TTC12: variants seen among roughly 807,000 people sequenced by gnomAD.
The protein encoded by TTC12 is tetratricopeptide repeat protein 12.
In TTC12, 70 loss-of-function variants were observed where a neutral mutation model predicts 90.1. The ratio of observed to expected loss-of-function variants is 0.78; its 90% CI spans 0.64 to 0.95. TTC12 has a LOEUF of 0.95. Ranked by LOEUF, TTC12 falls within the 40% of genes least tolerant of loss-of-function variation. The pLI, the probability that TTC12 is intolerant of heterozygous loss-of-function variation, is 0.00. For synonymous variants in TTC12, 296 were observed against 311.5 expected, an observed-to-expected ratio of 0.95 and a Z score of 0.53; for missense variants, 819 against 846.1, an observed-to-expected ratio of 0.97 and a Z score of 0.40.
chr11:113,355,381 T>C (rs1949573935), intron 16 of TTC12, among the ~76,000 whole-genome samples: 1 of 151,994 alleles, frequency 6.6e-6, no homozygotes, highest in South Asian at 2.1e-4. Flanking sequence ...AATGGTCTAT[T>C]TTATTAATTT....
At chr11:113,347,320 C>T (rs1949024664) in intron 13 of TTC12, among the ~76,000 whole-genome samples, 1 of 152,130 alleles carries the variant, frequency 6.6e-6, no homozygotes, top group South Asian at 2.1e-4. Context: ...CAGTCAAGCC[C>T]CACTCAGCAT....
chr11:113,368,247 G>A, downstream of TTC12: 2 of 1,519,232 alleles, frequency 1.3e-6, no homozygotes, highest in Non-Finnish European at 1.8e-6. Flanking sequence ...CTGAAGCTCT[G>A]TCTCCTCGCA....
chr11:113,317,049 C>T (rs193206944), intron 2 of TTC12, among the ~76,000 whole-genome samples: 63 of 152,326 alleles, frequency 4.1e-4, no homozygotes, highest in Non-Finnish European at 4.3e-4. Flanking sequence ...TGGGTGACAT[C>T]GTAAATGATA....
chr11:113,352,222 C>G lies in TTC12; in HGVS notation c.1446+15C>G. 1 of 1,614,132 alleles carries G rather than the reference C, an allele frequency of 6.2e-7. No homozygotes were observed. Among genetic ancestry groups the G allele is most frequent in the Non-Finnish European group, 8.5e-7 (1 of 1,180,002 alleles). Reference sequence around the variant, plus strand: ...TGAGCCTCCTGGTATGTTAGCTTTTCTATTCAAAATTGGTCTTTATCCTCT... The same window carrying G: ...TGAGCCTCCTGGTATGTTAGCTTTTGTATTCAAAATTGGTCTTTATCCTCT... On this transcript the variant is annotated intron_variant, in intron 16 of 21. Transcript: ENST00000529221.
chr11:113,344,561 C>CACTCTTGTCAAAGG, intron 13 of TTC12, 121 bp downstream of exon 13: 1 of 1,071,986 alleles, frequency 9.3e-7, no homozygotes, highest in Non-Finnish European at 1.3e-6. Flanking sequence ...ACAGAAAGAG[C>CACTCTTGTCAAAGG]CTTTGACAAG....
intron 11 of TTC12, chr11:113,341,596 C>T: frequency 1.9e-6 from 1 of 517,188 alleles, no homozygotes; most frequent in South Asian, 2.0e-5. Context: ...CCAGTGCAGC[C>T]ATCGCCCATG....
rs1424884127 is a variant in TTC12 at position 113,344,147 on chromosome 11, C to A, written c.986-125C>A. The A allele has an allele frequency of 9.8e-6, 11 of 1,120,386 alleles. No homozygotes were observed. In the Admixed American group the frequency reaches 1.6e-4, roughly 16 times the overall value. 69.4% of individuals were successfully genotyped at this position (1,120,386 alleles called of 1,614,324 possible). A position where few individuals can be genotyped will look rare whatever the true frequency, so the allele number is the denominator to read the frequency against. ...TCTGGTTCTAGAATCCACACTCTTACACTTCATTATTCTGCCTTCAAATGA... is the reference window on the plus strand; with the variant it reads ...TCTGGTTCTAGAATCCACACTCTTAAACTTCATTATTCTGCCTTCAAATGA... On this transcript the variant is annotated intron_variant, in intron 12 of 21. Coordinates refer to ENST00000529221, the MANE Select transcript of TTC12 (RefSeq NM_017868.4).
chr11:113,344,526 T>C (rs1555147474), intron 13 of TTC12, 86 bp downstream of exon 13: 4 of 1,356,152 alleles, frequency 2.9e-6, no homozygotes, highest in Non-Finnish European at 2.0e-6. Flanking sequence ...CTCCTATCTC[T>C]GTTGTGTGAC....
Position 113,362,419 on chromosome 11 carries a change from A to T in TTC12, c.1633A>T (p.Ser545Cys). The change falls in exon 19 of 22, where the codon AGC (serine) becomes TGC (cysteine). Residue 545 changes from serine to cysteine, a missense_variant. Coordinates refer to ENST00000529221, the MANE Select transcript of TTC12 (RefSeq NM_017868.4). ...GILTRAAGVL[S>C]RTLSSSLKIV... ...TACTCAGAGAGCTGCTGGTGTTCTG[A>T]GCCGGACCCTTTCTTCCTCTCTGAA... 6.2e-7 allele frequency: 1 copy of T among 1,613,882 alleles called. No homozygotes were observed. Among genetic ancestry groups the T allele is most frequent in the Non-Finnish European group, 8.5e-7 (1 of 1,179,754 alleles).
intron 1 of TTC12, chr11:113,315,248 A>C (rs1555134861): frequency 6.6e-6 from 1 of 152,072 alleles, no homozygotes; most frequent in Non-Finnish European, 1.5e-5. Context: ...GGTGCTTTAC[A>C]TCAGTCCCCA....
intron 3 of TTC12, among the ~76,000 whole-genome samples, 197 bp from the exon 4 acceptor site, chr11:113,323,797 G>A (rs531750174): frequency 5.9e-5 from 9 of 152,138 alleles, no homozygotes; most frequent in South Asian, 2.1e-4. Flanking sequence ...TTGCAGACTC[G>A]GTCCCATAGC....
intron 2 of TTC12, among the ~76,000 whole-genome samples, chr11:113,319,433 G>A (rs1947154130): frequency 6.6e-6 from 1 of 152,034 alleles, no homozygotes; most frequent in Admixed American, 6.5e-5. Context: ...TTAGAATAAA[G>A]TGTGCAGTTG....
downstream of TTC12, among the ~76,000 whole-genome samples, chr11:113,367,284 C>T (rs1950248085): frequency 6.6e-6 from 1 of 152,228 alleles, no homozygotes; most frequent in South Asian, 2.1e-4. Flanking sequence ...GCTACCTGCC[C>T]TGCCAGCCAT....
rs1186275844 is a variant in TTC12, at chr11:113,352,187, G to A, written c.1426G>A (p.Asp476Asn). ...RHMAACEEFG[D>N]GCLSLLARCE... The stretch of plus-strand genomic sequence containing the variant: ...CATGGCGGCCTGTGAGGAATTTGGG[G>A]ATGGCTGCTTGAGCCTCCTGGTATG... Residue 476 changes from aspartate (D) to asparagine (N), a missense_variant, in exon 16 of 22, where the codon GAT becomes AAT. Coordinates refer to ENST00000529221, the MANE Select transcript of TTC12 (RefSeq NM_017868.4). The A allele has an allele frequency of 1.1e-5, 17 of 1,614,206 alleles. No homozygotes were observed. Among genetic ancestry groups the A allele is most frequent in the Non-Finnish European group, 1.4e-5 (16 of 1,180,010 alleles).
At chr11:113,364,620 G>A (rs953617383) in intron 20 of TTC12, 7 of 569,842 alleles carry the variant, frequency 1.2e-5, no homozygotes, top group Non-Finnish European at 2.2e-5. Context: ...CACTGTTCTA[G>A]GAAGCGGAGA....
Position 113,339,393 on chromosome 11 carries a change from C to G in TTC12, c.745C>G (p.Leu249Val). ...CACAGCCGTGACCACCAAGAACCTC[C>G]TGGAGACCCTTTCCAAGCCTGACCA... is the stretch of plus-strand genomic sequence containing the variant. The part of the protein sequence containing the change: ...KNTAVTTKNL[L>V]ETLSKPDQIP... The change falls in exon 10 of 22, where the codon CTG (leucine) becomes GTG (valine). Residue 249 changes from leucine to valine, a missense_variant. Coordinates refer to ENST00000529221, the MANE Select transcript of TTC12 (RefSeq NM_017868.4). 1 of 1,614,060 alleles carries G rather than the reference C, an allele frequency of 6.2e-7. No homozygotes were observed. The highest frequency in any genetic ancestry group is 8.5e-7 in the Non-Finnish European group (1 of 1,180,002).
intron 16 of TTC12, among the ~76,000 whole-genome samples, chr11:113,358,986 C>T (rs1317420227): frequency 6.6e-6 from 1 of 151,932 alleles, no homozygotes; most frequent in South Asian, 2.1e-4. Flanking sequence ...CTATTAGGAG[C>T]ATGTCAGTCA....
intron 5 of TTC12, among the ~76,000 whole-genome samples, 197 bp from the exon 6 acceptor site, chr11:113,325,327 A>G (rs1947616358): frequency 6.6e-6 from 1 of 152,146 alleles, no homozygotes; most frequent in Non-Finnish European, 1.5e-5. Context: ...CTTAGAAGAC[A>G]TGGGTGGATT....
intron 12 of TTC12, among the ~76,000 whole-genome samples, chr11:113,343,334 T>C (rs1464250521): frequency 1.3e-5 from 2 of 152,236 alleles, no homozygotes; most frequent in Non-Finnish European, 2.9e-5. Context: ...GAACAAAATA[T>C]ATAATCAACA....
Sources: gnomAD v4.1 joint callset for allele counts (sites outside exome capture counted in the v4.1 genomes callset) on GRCh38, gnomAD v4.1.1 for gene constraint, MANE v1.5 for transcripts, NCBI Gene and HGNC (gene_info 2026-07-23, HGNC 2026-07-21) for gene names.